VPS8: variants seen among roughly 807,000 people sequenced by gnomAD.
VPS8 encodes VPS8 subunit of CORVET complex.
VPS8 carries 129 observed loss-of-function variants against 216.4 expected under a neutral mutation model. The ratio of observed to expected loss-of-function variants is 0.60; its 90% confidence interval spans 0.52 to 0.69. The LOEUF (loss-of-function observed/expected upper bound fraction) is 0.69, where lower values mean the gene tolerates loss of function less well. Among genes scored for constraint, VPS8 ranks in the 30% least tolerant of loss-of-function variants. VPS8 has a pLI of 0.00. For synonymous variants in VPS8, 571 were observed against 565.4 expected (o/e 1.01, Z -0.14); for missense variants, 1,531 against 1,683.5 (o/e 0.91, Z 1.59).
chr3:184,926,317 C>T (rs1311133530), intron 30 of VPS8, among the ~76,000 whole-genome samples: 1 of 151,688 alleles, frequency 6.6e-6, no homozygotes, highest in Non-Finnish European at 1.5e-5. Flanking sequence ...GCAGAGCTTG[C>T]AGTGAACTGA....
intron 2 of VPS8, 92 bp from the exon 3 acceptor site, chr3:184,826,071 T>C: frequency 3.5e-6 from 3 of 868,066 alleles, no homozygotes; most frequent in Non-Finnish European, 5.3e-6. Flanking sequence ...AGTTTGTCTT[T>C]TAATTGATGG....
At chr3:184,838,849 T>C in intron 6 of VPS8, 103 bp downstream of exon 6, 1 of 914,702 alleles carries the variant, frequency 1.1e-6, no homozygotes, top group Non-Finnish European at 1.6e-6. Context: ...GTTATGGTAA[T>C]AAATTCACAA....
rs1752613365 is a variant in VPS8, at chr3:184,996,346, A to G, written c.3681A>G (p.Thr1227=). The G allele has an allele frequency of 1.2e-6, 2 of 1,612,066 alleles. No homozygotes were observed. Among genetic ancestry groups the G allele is most frequent in the Admixed American group, 1.7e-5 (1 of 59,512 alleles). Residue 1227 remains threonine, a synonymous_variant, in exon 44 of 48, where the codon ACA becomes ACG. Transcript: ENST00000625842. ...TFNYEQTLLE[T]TTSLLNQDLH... ...GTGTTTCATAGACCCTGCTGGAAAC[A>G]ACAACCAGCCTTCTAAACCAAGATC...
chr3:184,926,726 C>G, intron 31 of VPS8, 76 bp downstream of exon 31: 2 of 1,407,670 alleles, frequency 1.4e-6, no homozygotes, highest in South Asian at 2.6e-5. Flanking sequence ...CTGTGCTAGA[C>G]CTCACTACAC....
chr3:184,928,403 A>G lies in VPS8; in HGVS notation c.2632-48A>G, dbSNP rs761652802. ...TGCATGGCTGAATGCACTCTTAAAG[A>G]GCTAGTAAATTCTCAAGTGTTTTTA... On this transcript the variant is annotated intron_variant, in intron 31 of 47. Coordinates refer to ENST00000625842, the MANE Select transcript of VPS8 (RefSeq NM_001009921.3). 6 of 1,455,976 alleles carry G rather than the reference A, an allele frequency of 4.1e-6. No homozygotes were observed. In the South Asian group the frequency reaches 7.0e-5, roughly 17 times the overall value. The allele number at this position is 1,455,976 out of a possible 1,614,324, so 90.2% of individuals were successfully genotyped here.
chr3:184,862,501 GACCAGCTAGGTTT>G (rs1726556859), intron 15 of VPS8, among the ~76,000 whole-genome samples: 1 of 152,148 alleles, frequency 6.6e-6, no homozygotes, highest in Admixed American at 6.5e-5. Flanking sequence ...ATTGTCCTCT[GACCAGCTAGGTTT>G]ATCGGCTTTA....
intron 21 of VPS8, among the ~76,000 whole-genome samples, chr3:184,874,203 A>G (rs183985488): frequency 2.6e-5 from 4 of 152,294 alleles, no homozygotes; most frequent in Admixed American, 2.6e-4. Context: ...TGAAAGGAAT[A>G]TAAAGATAGT....
intron 1 of VPS8, among the ~76,000 whole-genome samples, chr3:184,823,717 T>G (rs1718112526): frequency 6.6e-6 from 1 of 152,206 alleles, no homozygotes; most frequent in African/African-American, 2.4e-5. Flanking sequence ...CAAAGTAAAA[T>G]CATTTAAAAG....
chr3:185,024,013 C>G (rs1007280083), intron 45 of VPS8, among the ~76,000 whole-genome samples: 1 of 152,196 alleles, frequency 6.6e-6, no homozygotes, highest in Middle Eastern at 3.2e-3. Flanking sequence ...GCAAGAAATG[C>G]TGATCATTGT....
At chr3:184,887,817 A>G (rs1731558874) in intron 22 of VPS8, among the ~76,000 whole-genome samples, 1 of 152,316 alleles carries the variant, frequency 6.6e-6, no homozygotes, top group African/African-American at 2.4e-5. Flanking sequence ...ATCAGTAAAG[A>G]TTGTCAAGAG....
In VPS8 at chr3:184,917,210, A is replaced by G. The variant is rs1486906888; in HGVS notation, c.2382+1736A>G. ...AGTCAGGGGAAGGGTAGGAAAAAAC[A>G]TTGTAGGCAGAGGGCTGAATATATA... On this transcript the variant is annotated intron_variant, in intron 28 of 47. Coordinates refer to ENST00000625842, the MANE Select transcript of VPS8 (RefSeq NM_001009921.3). 2.6e-5 allele frequency among the ~76,000 whole-genome samples: 4 copies of G among 152,326 alleles called. No homozygotes were observed. In the East Asian group the frequency reaches 5.8e-4, roughly 22 times the overall value.
intron 41 of VPS8, 90 bp downstream of exon 41, chr3:184,982,737 C>A: frequency 9.3e-7 from 1 of 1,073,304 alleles, no homozygotes. Flanking sequence ...TATCTTTTTC[C>A]AATAGCATAT....
intron 38 of VPS8, 25 bp downstream of exon 38, chr3:184,964,582 A>G (rs1157937101): frequency 1.4e-6 from 2 of 1,389,662 alleles, no homozygotes; most frequent in South Asian, 1.5e-5. Context: ...TGTTTCTTTC[A>G]TCATATTTCT....
At chr3:185,045,029 T>G (rs1712537730) in intron 46 of VPS8, among the ~76,000 whole-genome samples, 1 of 152,098 alleles carries the variant, frequency 6.6e-6, no homozygotes, top group Non-Finnish European at 1.5e-5. Flanking sequence ...GTGAAACAGC[T>G]TAGGTGGTGG....
chr3:184,887,969 G>C (rs1476400210), intron 22 of VPS8, among the ~76,000 whole-genome samples: 1 of 151,558 alleles, frequency 6.6e-6, no homozygotes, highest in Non-Finnish European at 1.5e-5. Flanking sequence ...TTACAGTAGG[G>C]ATCTTGTTGA....
At chr3:184,925,278 A>G (rs1560707000) in intron 30 of VPS8, among the ~76,000 whole-genome samples, 1 of 152,234 alleles carries the variant, frequency 6.6e-6, no homozygotes, top group African/African-American at 2.4e-5. Context: ...ACTGGTAGTA[A>G]GACTATTATG....
intron 3 of VPS8, among the ~76,000 whole-genome samples, chr3:184,826,755 T>C (rs1410494138): frequency 1.3e-5 from 2 of 152,244 alleles, no homozygotes; most frequent in Non-Finnish European, 2.9e-5. Flanking sequence ...CTAAAGAACA[T>C]CTTGCAACCT....
intron 47 of VPS8, among the ~76,000 whole-genome samples, chr3:185,049,819 T>C (rs1410946741): frequency 6.6e-6 from 1 of 152,174 alleles, no homozygotes; most frequent in Non-Finnish European, 1.5e-5. Flanking sequence ...CAGAACCTAC[T>C]AGGTTACTTG....
chr3:184,871,521 C>T (rs1029166147), intron 21 of VPS8, among the ~76,000 whole-genome samples: 1 of 152,096 alleles, frequency 6.6e-6, no homozygotes, highest in African/African-American at 2.4e-5. Flanking sequence ...GTCTCTGTCA[C>T]ATCTTTTTCT....
Sources: gnomAD v4.1 joint callset for allele counts (sites outside exome capture counted in the v4.1 genomes callset) on GRCh38, gnomAD v4.1.1 for gene constraint, MANE v1.5 for transcripts, NCBI Gene and HGNC (gene_info 2026-07-23, HGNC 2026-07-21) for gene names.